Variants in CATSPERT observed in about 807,000 individuals in gnomAD.
The protein encoded by CATSPERT is catsper channel auxiliary subunit tau.
chr2:201,616,357 C>G, the CATSPERT span, among the ~76,000 whole-genome samples: 3 of 152,172 alleles, frequency 2.0e-5, no homozygotes, highest in Non-Finnish European at 4.4e-5. Context: ...AGCTTATCCA[C>G]CATGATCAAG....
the CATSPERT span, among the ~76,000 whole-genome samples, chr2:201,543,726 T>C: frequency 6.6e-6 from 1 of 152,214 alleles, no homozygotes; most frequent in Non-Finnish European, 1.5e-5. Context: ...ACTGAATTCA[T>C]GTATTGGTTC....
chr2:201,539,494 G>T, the CATSPERT span, among the ~76,000 whole-genome samples: 307 of 126,996 alleles, frequency 2.4e-3, 1 homozygote, highest in African/African-American at 7.4e-3. Flanking sequence ...CATGTCCTTT[G>T]CCCACTTTTT....
the CATSPERT span, among the ~76,000 whole-genome samples, chr2:201,608,540 G>C: frequency 6.6e-6 from 1 of 152,088 alleles, no homozygotes; most frequent in Non-Finnish European, 1.5e-5. Flanking sequence ...AAATACGCTG[G>C]ACACAGTGGC....
the CATSPERT span, among the ~76,000 whole-genome samples, chr2:201,523,993 G>T: frequency 6.6e-6 from 1 of 152,036 alleles, no homozygotes; most frequent in Non-Finnish European, 1.5e-5. Flanking sequence ...ATAGGGTTAT[G>T]TAAAGAAACC....
chr2:201,618,840 C>T, the CATSPERT span: 2 of 1,534,060 alleles, frequency 1.3e-6, no homozygotes, highest in Non-Finnish European at 1.8e-6. Flanking sequence ...CTTTCACCAC[C>T]CTCCAGGTGC....
chr2:201,618,271 A>G, the CATSPERT span, among the ~76,000 whole-genome samples: 379 of 152,274 alleles, frequency 2.5e-3, 1 homozygote, highest in African/African-American at 8.5e-3. Flanking sequence ...TATGTTTATT[A>G]TGGCACTATT....
chr2:201,494,538 C>G, the CATSPERT span: 1 of 1,536,828 alleles, frequency 6.5e-7, no homozygotes, highest in Non-Finnish European at 8.7e-7. Context: ...TTTCTAACAT[C>G]TTTGTTGTGA....
At chr2:201,556,335 C>T in the CATSPERT span, among the ~76,000 whole-genome samples, 1 of 151,974 alleles carries the variant, frequency 6.6e-6, no homozygotes, top group African/African-American at 2.4e-5. Context: ...CGGTGAAACC[C>T]CGTCTCTACT....
At chr2:201,537,437 T>A in the CATSPERT span, 4 of 1,589,842 alleles carry the variant, frequency 2.5e-6, no homozygotes, top group Non-Finnish European at 3.4e-6. Context: ...TTCCCTTACC[T>A]CATTTGCAGT....
chr2:201,545,550 T>C, the CATSPERT span: 2 of 1,405,072 alleles, frequency 1.4e-6, no homozygotes, highest in South Asian at 1.4e-5. Flanking sequence ...TACCTACTCC[T>C]ACAATATTTT....
At chr2:201,535,811 A>G in the CATSPERT span, 5 of 1,433,464 alleles carry the variant, frequency 3.5e-6, no homozygotes, top group Non-Finnish European at 4.5e-6. Context: ...CTAGTCTTAT[A>G]CTTCTAATAT....
At chr2:201,570,046 G>T in the CATSPERT span, among the ~76,000 whole-genome samples, 1,310 of 152,156 alleles carry the variant, frequency 8.6e-3, 8 homozygotes, top group Non-Finnish European at 0.014. Flanking sequence ...GCCAAACGTG[G>T]TAACAAATGC....
chr2:201,601,713 A>T, the CATSPERT span: 1 of 1,583,442 alleles, frequency 6.3e-7, no homozygotes, highest in South Asian at 1.2e-5. Context: ...AGCCATTCTA[A>T]TATCTAGAAG....
chr2:201,583,730 A>G, the CATSPERT span, among the ~76,000 whole-genome samples: 312 of 152,306 alleles, frequency 2.0e-3, no homozygotes, highest in African/African-American at 7.1e-3. Flanking sequence ...GAAAATGAGC[A>G]GTTAACAGTC....
the CATSPERT span, among the ~76,000 whole-genome samples, chr2:201,566,171 T>C: frequency 6.6e-5 from 10 of 152,284 alleles, 2 homozygotes; most frequent in African/African-American, 2.4e-4. Context: ...TCTCCAAATC[T>C]TTAGACCCAA....
the CATSPERT span, among the ~76,000 whole-genome samples, chr2:201,593,027 T>C: frequency 6.6e-6 from 1 of 152,104 alleles, no homozygotes; most frequent in Non-Finnish European, 1.5e-5. Context: ...CTGCTAGCTT[T>C]TGAATGTGTT....
chr2:201,531,852 T>C, the CATSPERT span, among the ~76,000 whole-genome samples: 1 of 152,192 alleles, frequency 6.6e-6, no homozygotes. Context: ...TTGTAGATGA[T>C]GGTGAGAAGT....
At chr2:201,505,956 A>T in the CATSPERT span, among the ~76,000 whole-genome samples, 4 of 152,132 alleles carry the variant, frequency 2.6e-5, no homozygotes, top group Admixed American at 6.6e-5. Context: ...ATTTTAAAAA[A>T]CTAATCTACT....
chr2:201,527,287 T>C, the CATSPERT span, among the ~76,000 whole-genome samples: 2 of 152,286 alleles, frequency 1.3e-5, no homozygotes, highest in South Asian at 4.1e-4. Context: ...AAATATTCCA[T>C]GCTCATGGAG....
Sources: allele counts gnomAD v4.1 joint callset (sites outside exome capture counted in the v4.1 genomes callset), GRCh38; gene constraint gnomAD v4.1.1; transcripts MANE v1.5; gene names NCBI Gene and HGNC (gene_info 2026-07-23, HGNC 2026-07-21).